Variants in NEU4 observed in about 807,000 individuals in gnomAD.
NEU4 encodes the protein neuraminidase 4, also known as sialidase-4.
Under a neutral mutation model 9.9 loss-of-function variants are expected in NEU4, and 7 were observed. The observed-to-expected ratio is 0.71, with a 90% CI of 0.40 to 1.33. The LOEUF (loss-of-function observed/expected upper bound fraction) is 1.33, where lower values mean the gene tolerates loss of function less well. Ranked by LOEUF, NEU4 falls within the 40% of genes most tolerant of loss-of-function variation. The pLI is 0.01. For synonymous variants in NEU4, 348 were observed against 316.9 expected, an observed-to-expected ratio of 1.10 and a Z score of -1.04; for missense variants, 717 against 712.6, an observed-to-expected ratio of 1.01 and a Z score of -0.07.
At chr2:241,810,883 G>A (rs1382206862) in intron 1 of NEU4, 3 of 981,278 alleles carry the variant, frequency 3.1e-6, no homozygotes, top group Non-Finnish European at 1.2e-6. Flanking sequence ...AGTCCTGCAC[G>A]GCAGCTGTGC....
chr2:241,812,330 CT>C (rs1700146810), intron 1 of NEU4, among the ~76,000 whole-genome samples: 1 of 152,106 alleles, frequency 6.6e-6, no homozygotes, highest in Non-Finnish European at 1.5e-5. Context: ...TCGGTTTCCC[CT>C]TCTGTGACTC....
Position 241,817,052 on chromosome 2 carries a change from G to A in NEU4, c.*4G>A, listed in dbSNP as rs1700379502. 1 of 1,574,164 alleles carries A rather than the reference G, an allele frequency of 6.4e-7. No individual in the cohort carries two copies. The highest frequency in any genetic ancestry group is 8.6e-7 in the Non-Finnish European group (1 of 1,162,366). On this transcript the variant is annotated 3_prime_UTR_variant, in exon 4 of 4. Transcript: ENST00000407683. ...GGGGTGCTGCTGGCCCTCCTGACAG[G>A]CCTTCTGGCCGTGCCCATGCCCCTT...
At chr2:241,811,365 C>G in intron 1 of NEU4, 1 of 1,471,484 alleles carries the variant, frequency 6.8e-7, no homozygotes, top group East Asian at 2.6e-5. Flanking sequence ...GTGGCCAGCT[C>G]CCTGGCCTGC....
chr2:241,817,128 G>GT lies in NEU4; in HGVS notation c.*81dup. 2.2e-6 allele frequency: 3 copies of GT among 1,384,028 alleles called. No individual in the cohort carries two copies. Among genetic ancestry groups the GT allele is most frequent in the Non-Finnish European group, 2.9e-6 (3 of 1,046,858 alleles). The allele number at this position is 1,384,028 out of a possible 1,614,324, so 85.7% of individuals were successfully genotyped here. A position where few individuals can be genotyped will look rare whatever the true frequency, so the allele number is the denominator to read the frequency against. Reference sequence around the variant, plus strand: ...TACGTTGGGGTGCCCCACGATAGCTGTGGGGGGGGCTCTTAGTGCAGGATC... The same window carrying GT: ...TACGTTGGGGTGCCCCACGATAGCTGTTGGGGGGGGCTCTTAGTGCAGGATC... On this transcript the variant is annotated 3_prime_UTR_variant, in exon 4 of 4. Coordinates refer to ENST00000407683, the MANE Select transcript of NEU4 (RefSeq NM_001167600.3).
chr2:241,813,285 G>A, intron 1 of NEU4: 1 of 1,027,180 alleles, frequency 9.7e-7, no homozygotes. Context: ...CCCTGGCCAG[G>A]CGTGGTGTCC....
chr2:241,816,743 G>A lies in NEU4; in HGVS notation c.1150G>A (p.Val384Met), dbSNP rs760925348. ...CACGTGGCTGCTGTACTCCCACCCA[G>A]TGGGGCGCAGGGCTCGGCTACACAT... ...SPTWLLYSHP[V>M]GRRARLHMGI... Residue 384 changes from valine (V) to methionine (M), a missense_variant, in exon 4 of 4, where the codon GTG becomes ATG. Physicochemically the swap from Val to Met is conservative, Grantham distance 21. Transcript: ENST00000407683. 23 of 1,568,082 alleles carry A rather than the reference G, an allele frequency of 1.5e-5. No individual in the cohort carries two copies. In the South Asian group the frequency reaches 2.3e-4, roughly 16 times the overall value.
In NEU4 at chr2:241,815,026, C is replaced by T. The variant is rs201767920; in HGVS notation, c.336C>T (p.Ala112=). 1.8e-4 allele frequency: 294 copies of T among 1,601,856 alleles called. 1 individual carries two copies. In the East Asian group the frequency reaches 5.7e-3, roughly 31 times the overall value. The stretch of plus-strand genomic sequence containing the variant: ...CGGTGCTGGGCCACACGCCTGAGGC[C>T]GTGCAGATCGCCACGGGAAGGAACG... ...FIAVLGHTPE[A]VQIATGRNAA... Residue 112 remains alanine (A), a synonymous_variant, in exon 3 of 4, where the codon GCC becomes GCT. Coordinates refer to ENST00000407683, the MANE Select transcript of NEU4 (RefSeq NM_001167600.3).
At chr2:241,811,731 A>C (rs1700122057) in intron 1 of NEU4, 1 of 386,224 alleles carries the variant, frequency 2.6e-6, no homozygotes, top group African/African-American at 2.1e-5. Flanking sequence ...TGTGACACTG[A>C]GGGTTCCTGG....
At chr2:241,815,861 G>T (rs3749153) in intron 3 of NEU4, 190 bp from the exon 4 acceptor site, 1 of 635,588 alleles carries the variant, frequency 1.6e-6, no homozygotes, top group Non-Finnish European at 2.7e-6. Context: ...GGCTGCTAAG[G>T]GCTGTGAGAG....
chr2:241,814,787 G>C lies in NEU4; in HGVS notation c.201+102G>C, dbSNP rs983033143. 24 of 1,529,928 alleles carry C rather than the reference G, an allele frequency of 1.6e-5. No homozygotes were observed. In the African/African-American group the frequency reaches 2.9e-4, roughly 18 times the overall value. The allele number at this position is 1,529,928 out of a possible 1,614,324, so 94.8% of individuals were successfully genotyped here. On this transcript the variant is annotated intron_variant, in intron 2 of 3. Transcript: ENST00000407683. ...GGGTGGCGGCGGCAGGCAGATGCCC[G>C]AGGTAGAGATGAGCAAACCAGGCTC... is the stretch of plus-strand genomic sequence containing the variant.
intron 1 of NEU4, chr2:241,809,928 G>T: frequency 6.5e-6 from 1 of 153,434 alleles, no homozygotes; most frequent in East Asian, 1.9e-4. Context: ...TTTGCAAGGT[G>T]ACGTGGGGCT....
intron 1 of NEU4, chr2:241,813,937 C>T (rs1212337661): frequency 4.8e-5 from 5 of 103,898 alleles, no homozygotes; most frequent in South Asian, 1.5e-4. Context: ...AAGTGGGAGC[C>T]GATCCCCTGT....
intron 1 of NEU4, among the ~76,000 whole-genome samples, chr2:241,812,457 G>A (rs1030889071): frequency 1.2e-4 from 18 of 151,516 alleles, no homozygotes; most frequent in African/African-American, 3.4e-4. Flanking sequence ...TACACTGAGC[G>A]GGGCTGGCCT....
Position 241,816,692 on chromosome 2 carries a change from C to T in NEU4, c.1099C>T (p.Pro367Ser), listed in dbSNP as rs776323817. Reference sequence around the variant, plus strand: ...GTCCTGGACCCTGGCACTCCCCATGCCCTTTGCTGCCCCGCCCCAGAGCCC... The same window carrying T: ...GTCCTGGACCCTGGCACTCCCCATGTCCTTTGCTGCCCCGCCCCAGAGCCC... ...VGSWTLALPM[P>S]FAAPPQSPTW... The change falls in exon 4 of 4, where the codon CCC becomes TCC. Residue 367 changes from proline (P) to serine (S), a missense_variant. Physicochemically the swap from Pro to Ser is moderately conservative, Grantham distance 74. Coordinates refer to ENST00000407683, the MANE Select transcript of NEU4 (RefSeq NM_001167600.3). 1.3e-6 allele frequency: 2 copies of T among 1,529,300 alleles called. No individual in the cohort carries two copies. The highest frequency in any genetic ancestry group is 2.4e-5 in the East Asian group (1 of 41,626). The allele number at this position is 1,529,300 out of a possible 1,614,324, so 94.7% of individuals were successfully genotyped here. A position where few individuals can be genotyped will look rare whatever the true frequency, so the allele number is the denominator to read the frequency against.
rs141698191 is a variant in NEU4, at chr2:241,816,256, C to T, written c.663C>T (p.Gly221=). The change falls in exon 4 of 4, where the codon GGC becomes GGT. Residue 221 remains glycine, a synonymous_variant. Coordinates refer to ENST00000407683, the MANE Select transcript of NEU4 (RefSeq NM_001167600.3). ...CGGLVPNLRS[G]ECQLAAVDGG... Reference sequence around the variant, plus strand: ...GCCTCGTGCCCAACCTGCGCTCAGGCGAGTGCCAGCTGGCAGCGGTGGACG... The same window carrying T: ...GCCTCGTGCCCAACCTGCGCTCAGGTGAGTGCCAGCTGGCAGCGGTGGACG... 1,261 of 1,605,338 alleles carry T rather than the reference C, an allele frequency of 7.9e-4. 1 individual carries two copies. The highest frequency in any genetic ancestry group is 1.0e-3 in the Non-Finnish European group (1,235 of 1,176,828).
chr2:241,811,538 G>A (rs1011387257), intron 1 of NEU4: 24 of 1,301,744 alleles, frequency 1.8e-5, no homozygotes, highest in South Asian at 7.6e-5. Flanking sequence ...CGCTCCTGAG[G>A]TATCTGTCCA....
chr2:241,814,952 T>G lies in NEU4; in HGVS notation c.262T>G (p.Cys88Gly), dbSNP rs1257900530. 6.2e-7 allele frequency: 1 copy of G among 1,612,038 alleles called. No individual in the cohort carries two copies. Among genetic ancestry groups the G allele is most frequent in the Admixed American group, 1.7e-5 (1 of 59,986 alleles). Residue 88 changes from cysteine (C) to glycine (G), a missense_variant, in exon 3 of 4, where the codon TGC becomes GGC. Transcript: ENST00000407683. ...GGCGGAGCACCGGTCCATGAACCCC[T>G]GCCCTGTGCACGATGCTGGCACGGG... ...ALAEHRSMNP[C>G]PVHDAGTGTV...
In NEU4 at chr2:241,815,065, C is replaced by G; in HGVS notation, c.375C>G (p.Cys125Trp). The G allele has an allele frequency of 6.3e-7, 1 of 1,584,506 alleles. No individual in the cohort carries two copies. Among genetic ancestry groups the G allele is most frequent in the Non-Finnish European group, 8.5e-7 (1 of 1,172,330 alleles). Residue 125 changes from cysteine (C) to tryptophan (W), a missense_variant, in exon 3 of 4, where the codon TGC becomes TGG. Physicochemically the swap from Cys to Trp is radical, Grantham distance 215 (BLOSUM62 -2). Transcript: ENST00000407683. Reference sequence around the variant, plus strand: ...CGGGAAGGAACGCCGCGCGCCTCTGCTGTGTGGCCAGCCGTGACGCCGGCC... The same window carrying G: ...CGGGAAGGAACGCCGCGCGCCTCTGGTGTGTGGCCAGCCGTGACGCCGGCC... ...IATGRNAARL[C>W]CVASRDAGLS...
At chr2:241,813,887 G>A in intron 1 of NEU4, 1 of 302,618 alleles carries the variant, frequency 3.3e-6, no homozygotes, top group South Asian at 2.6e-5. Flanking sequence ...CCGATCCCCT[G>A]TCCCCAGAGA....
Sources: allele counts gnomAD v4.1 joint callset (sites outside exome capture counted in the v4.1 genomes callset), GRCh38; gene constraint gnomAD v4.1.1; transcripts MANE v1.5; gene names NCBI Gene and HGNC (gene_info 2026-07-23, HGNC 2026-07-21).